HSDL2: variants seen among roughly 807,000 people sequenced by gnomAD.
HSDL2 encodes hydroxysteroid dehydrogenase-like protein 2.
Under a neutral mutation model 46.3 loss-of-function variants are expected in HSDL2, and 27 were observed. The observed-to-expected ratio is 0.58, with a 90% CI of 0.43 to 0.80. The LOEUF is 0.80. HSDL2 is among the 30% of genes least tolerant of loss of function. The probability of loss-of-function intolerance (pLI) is 0.00; values close to 1 mark genes in which losing one functional copy is unlikely to be tolerated. For synonymous variants in HSDL2, 153 were observed against 163.6 expected (o/e 0.94, Z 0.50); for missense variants, 451 against 502.7 (o/e 0.90, Z 0.98).
chr9:112,405,660 T>C lies in HSDL2; in HGVS notation c.218T>C (p.Val73Ala), dbSNP rs1169670878. 5 of 1,613,528 alleles carry C rather than the reference T, an allele frequency of 3.1e-6. No homozygotes were observed. The Admixed American group carries it at 5.0e-5, about 16-fold the overall frequency. The change falls in exon 3 of 11, where the codon GTT (valine) becomes GCT (alanine). Residue 73 changes from valine to alanine, a missense_variant. Val to Ala is a moderately conservative substitution (Grantham distance 64). Transcript: ENST00000398805. ...GGAGGAAAGGCCTTGCCATGTATTG[T>C]TGATGTGAGAGATGAACAGCAGATC... Reference protein sequence around the residue: ...AVGGKALPCIVDVRDEQQISA... With the variant: ...AVGGKALPCIADVRDEQQISA...
Position 112,388,105 on chromosome 9 carries a change from G to A in HSDL2, c.17+7925G>A, listed in dbSNP as rs575276345. Among the ~76,000 whole-genome samples the A allele has an allele frequency of 1.1e-3, 165 of 151,078 alleles. 1 individual carries two copies. The highest frequency in any genetic ancestry group is 3.4e-4 in the Non-Finnish European group (23 of 67,974). On this transcript the variant is annotated intron_variant, in intron 1 of 10. Transcript: ENST00000398805. ...GTCCAGGAGGTCAAGGCTGCAGTGA[G>A]CTGTGATTGCACCACTGTACTTCAG...
chr9:112,412,293 C>T (rs537780528), intron 4 of HSDL2, among the ~76,000 whole-genome samples: 5 of 152,200 alleles, frequency 3.3e-5, no homozygotes, highest in African/African-American at 1.2e-4. Context: ...AGGTTTTAGA[C>T]TGGGTTTTCA....
chr9:112,398,310 G>A (rs1260380887), intron 1 of HSDL2, among the ~76,000 whole-genome samples: 4 of 152,026 alleles, frequency 2.6e-5, no homozygotes, highest in African/African-American at 4.8e-5. Flanking sequence ...AGGGCCTGCA[G>A]AATTACAGGT....
At chr9:112,438,714 A>T in intron 7 of HSDL2, 89 bp downstream of exon 7, 1 of 753,100 alleles carries the variant, frequency 1.3e-6, no homozygotes, top group Admixed American at 3.2e-5. Context: ...TGTTTGTGTG[A>T]TTGTAAAATG....
intron 8 of HSDL2, among the ~76,000 whole-genome samples, chr9:112,453,670 T>C (rs1832943398): frequency 6.6e-6 from 1 of 152,088 alleles, no homozygotes; most frequent in Non-Finnish European, 1.5e-5. Context: ...TGGAATTACA[T>C]GCATGAGCCG....
intron 8 of HSDL2, among the ~76,000 whole-genome samples, chr9:112,442,526 GT>G (rs1293801771): frequency 6.6e-6 from 1 of 152,044 alleles, no homozygotes; most frequent in Non-Finnish European, 1.5e-5. Context: ...GTTTTACTTT[GT>G]TTTGTTTCTG....
intron 1 of HSDL2, among the ~76,000 whole-genome samples, chr9:112,381,365 C>T (rs1831091012): frequency 6.6e-6 from 1 of 151,398 alleles, no homozygotes; most frequent in African/African-American, 2.4e-5. Context: ...CTTCCGCCTC[C>T]TTTTTTTTTC....
intron 1 of HSDL2, among the ~76,000 whole-genome samples, chr9:112,401,127 G>C (rs1439173248): frequency 2.6e-5 from 4 of 152,010 alleles, no homozygotes; most frequent in African/African-American, 9.7e-5. Flanking sequence ...GAGTTTACCA[G>C]GAAGTTATTT....
rs972890229 is a variant in HSDL2, at chr9:112,454,310, A to G, written c.1015+148A>G. On this transcript the variant is annotated intron_variant, in intron 9 of 10. Transcript: ENST00000398805. ...TGAATGTAGACATTCAAGAACAGCA[A>G]CCATAACTATTGATTTGTTTTTGTT... 1.5e-5 allele frequency: 9 copies of G among 599,002 alleles called. No homozygotes were observed. In the East Asian group the frequency reaches 2.4e-4, roughly 16 times the overall value. The allele number at this position is 599,002 out of a possible 1,614,324, so 37.1% of individuals were successfully genotyped here. A position where few individuals can be genotyped will look rare whatever the true frequency, so the allele number is the denominator to read the frequency against.
chr9:112,406,666 C>T (rs889529259), intron 3 of HSDL2, among the ~76,000 whole-genome samples: 4 of 152,054 alleles, frequency 2.6e-5, no homozygotes, highest in South Asian at 2.1e-4. Flanking sequence ...AGACAGGTTT[C>T]GCCACATTGG....
chr9:112,445,205 T>C (rs1382903948), intron 8 of HSDL2, among the ~76,000 whole-genome samples: 2 of 151,990 alleles, frequency 1.3e-5, no homozygotes, highest in Non-Finnish European at 2.9e-5. Flanking sequence ...CAGTTTTAAT[T>C]GCTTCTGTTG....
At chr9:112,441,976 A>T (rs950995925) in intron 8 of HSDL2, among the ~76,000 whole-genome samples, 1 of 152,036 alleles carries the variant, frequency 6.6e-6, no homozygotes, top group Non-Finnish European at 1.5e-5. Flanking sequence ...AGAAGTTTTA[A>T]TAAGGCTGGG....
At chr9:112,398,432 C>G (rs556522619) in intron 1 of HSDL2, among the ~76,000 whole-genome samples, 1 of 151,802 alleles carries the variant, frequency 6.6e-6, no homozygotes, top group Non-Finnish European at 1.5e-5. Flanking sequence ...AAGTCGGGTC[C>G]GTGGGAGCTA....
At chr9:112,419,012 CTTA>C (rs1372877261) in intron 6 of HSDL2, 54 bp downstream of exon 6, 10 of 939,392 alleles carry the variant, frequency 1.1e-5, no homozygotes, top group South Asian at 2.6e-5. Flanking sequence ...GTCCTTGACA[CTTA>C]TTATTATTTT....
chr9:112,413,827 TGC>T (rs747522560), intron 4 of HSDL2, among the ~76,000 whole-genome samples: 72 of 152,234 alleles, frequency 4.7e-4, no homozygotes, highest in Non-Finnish European at 9.0e-4. Context: ...CCAGCAGTTT[TGC>T]CACAAGAGTA....
intron 8 of HSDL2, among the ~76,000 whole-genome samples, chr9:112,444,837 T>TG (rs889346690): frequency 2.7e-5 from 4 of 148,770 alleles, no homozygotes; most frequent in Non-Finnish European, 6.0e-5. Flanking sequence ...CAGTCTTGTT[T>TG]TTTTTTTTTT....
intron 1 of HSDL2, among the ~76,000 whole-genome samples, chr9:112,390,486 G>T (rs191702513): frequency 6.6e-6 from 1 of 151,894 alleles, no homozygotes; most frequent in African/African-American, 2.4e-5. Flanking sequence ...ACAGGGTCTC[G>T]CTCTGTCACC....
intron 10 of HSDL2, among the ~76,000 whole-genome samples, chr9:112,468,777 C>T (rs1323719125): frequency 6.6e-6 from 1 of 152,158 alleles, no homozygotes; most frequent in Non-Finnish European, 1.5e-5. Flanking sequence ...TTGTCTGAGC[C>T]AGCATTCTGT....
intron 6 of HSDL2, among the ~76,000 whole-genome samples, chr9:112,431,195 T>C (rs760568699): frequency 6.6e-6 from 1 of 152,028 alleles, no homozygotes; most frequent in Admixed American, 6.6e-5. Flanking sequence ...TGGGGTGTTG[T>C]GTTTGAACAT....
Sources: gnomAD v4.1 joint callset for allele counts (sites outside exome capture counted in the v4.1 genomes callset) on GRCh38, gnomAD v4.1.1 for gene constraint, MANE v1.5 for transcripts, NCBI Gene and HGNC (gene_info 2026-07-23, HGNC 2026-07-21) for gene names.